The following CEP126 variants were observed in gnomAD, a reference collection of about 807,000 sequenced individuals.
The protein encoded by CEP126 is centrosomal protein of 126 kDa.
CEP126 carries 74 observed loss-of-function variants against 107.8 expected under a neutral mutation model. The ratio of observed to expected loss-of-function variants is 0.69; its 90% CI spans 0.57 to 0.83. CEP126 has a LOEUF of 0.83. CEP126 is among the 40% of genes least tolerant of loss of function. The pLI is 0.00. For missense variants in CEP126, 1,237 were observed against 1,281.9 expected, an observed-to-expected ratio of 0.96 and a Z score of 0.53; for synonymous variants, 449 against 446.0, an observed-to-expected ratio of 1.01 and a Z score of -0.08.
At chr11:101,918,955 CGTCTG>C (rs1940279085) in intron 1 of CEP126, among the ~76,000 whole-genome samples, 1 of 151,890 alleles carries the variant, frequency 6.6e-6, no homozygotes, top group Admixed American at 6.6e-5. Flanking sequence ...TATCTTAGTG[CGTCTG>C]GACATAGGAT....
Position 101,997,745 on chromosome 11 carries a change from C to T in CEP126, c.*102C>T, listed in dbSNP as rs1941460288. 7.3e-6 allele frequency: 11 copies of T among 1,511,580 alleles called. No individual in the cohort carries two copies. Among genetic ancestry groups the T allele is most frequent in the Non-Finnish European group, 9.1e-6 (10 of 1,102,718 alleles). 93.6% of individuals were successfully genotyped at this position (1,511,580 alleles called of 1,614,324 possible). On this transcript the variant is annotated 3_prime_UTR_variant, in exon 11 of 11. Coordinates refer to ENST00000263468, the MANE Select transcript of CEP126 (RefSeq NM_020802.4). ...CCATAGGAAAACATGTGAGCAACAACCCCCATGAACATTTGTCCTAACTCA... is the reference window on the plus strand; with the variant it reads ...CCATAGGAAAACATGTGAGCAACAATCCCCATGAACATTTGTCCTAACTCA...
intron 2 of CEP126, among the ~76,000 whole-genome samples, chr11:101,931,580 G>A (rs1940501427): frequency 6.6e-6 from 1 of 151,996 alleles, no homozygotes; most frequent in African/African-American, 2.4e-5. Context: ...CTTTCAAGAA[G>A]AACAATTTAT....
chr11:101,977,630 C>CAA (rs952859970), intron 6 of CEP126, among the ~76,000 whole-genome samples: 20 of 52,566 alleles, frequency 3.8e-4, no homozygotes, highest in Non-Finnish European at 5.1e-4. Context: ...GACTCTGTCT[C>CAA]AAAAAAAAAA....
rs1940329966 is a variant in CEP126 at position 101,921,747 on chromosome 11, A to G, written c.129-894A>G. The stretch of plus-strand genomic sequence containing the variant: ...AAAACTGTGTAATGAATGAAGATAT[A>G]CAGTCCTCTTTATCTGAAGTTCATG... On this transcript the variant is annotated intron_variant, in intron 1 of 10. Transcript: ENST00000263468. 3.1e-3 allele frequency among the ~76,000 whole-genome samples: 3 copies of G among 954 alleles called. No individual in the cohort carries two copies. The South Asian group carries it at 0.047, about 15-fold the overall frequency. The allele number at this position is 954 out of a possible 152,430, so 0.6% of individuals were successfully genotyped here.
intron 9 of CEP126, among the ~76,000 whole-genome samples, chr11:101,988,295 A>AC (rs1941337325): frequency 6.6e-6 from 1 of 152,222 alleles, no homozygotes; most frequent in African/African-American, 2.4e-5. Flanking sequence ...TGGTTTAACC[A>AC]CCAGATTACA....
chr11:101,930,412 G>T (rs1940478927), intron 2 of CEP126, among the ~76,000 whole-genome samples: 3 of 151,998 alleles, frequency 2.0e-5, no homozygotes, highest in Non-Finnish European at 4.4e-5. Flanking sequence ...GTATTGTTGT[G>T]TCCCTTCTGG....
At chr11:101,973,099 A>G (rs1042974947) in intron 6 of CEP126, among the ~76,000 whole-genome samples, 2 of 152,208 alleles carry the variant, frequency 1.3e-5, no homozygotes, top group African/African-American at 4.8e-5. Context: ...CCTTTTATGA[A>G]TAATTCTTCC....
chr11:101,922,612 C>T, intron 1 of CEP126, 29 bp from the exon 2 acceptor site: 1 of 1,561,262 alleles, frequency 6.4e-7, no homozygotes, highest in Non-Finnish European at 8.8e-7. Flanking sequence ...AGATGTAGAC[C>T]ATTGTTCTTA....
rs1237888064 is a variant in CEP126 at position 101,963,437 on chromosome 11, GTCC to G, written c.2411_2413del (p.Pro804del). 5 of 1,614,072 alleles carry G rather than the reference GTCC, an allele frequency of 3.1e-6. No homozygotes were observed. In the East Asian group the frequency reaches 8.9e-5, roughly 29 times the overall value. ...GCTCAGGGAAAATTAATTATACCTT[GTCC>G]TCCTCCTCAATCTACATCAAATATT... On this transcript the variant is annotated inframe_deletion, in exon 6 of 11. Coordinates refer to ENST00000263468, the MANE Select transcript of CEP126 (RefSeq NM_020802.4).
chr11:101,985,913 G>A (rs1368783595), intron 8 of CEP126, among the ~76,000 whole-genome samples: 1 of 151,156 alleles, frequency 6.6e-6, no homozygotes, highest in Non-Finnish European at 1.5e-5. Flanking sequence ...TAATTAATGG[G>A]TTGATTCCTT....
At chr11:101,967,930 A>G (rs1164394624) in intron 6 of CEP126, among the ~76,000 whole-genome samples, 1 of 152,198 alleles carries the variant, frequency 6.6e-6, no homozygotes, top group Non-Finnish European at 1.5e-5. Context: ...AACTCCAGAT[A>G]GCACCATTTA....
intron 1 of CEP126, 65 bp from the exon 2 acceptor site, chr11:101,922,576 A>G: frequency 1.6e-6 from 2 of 1,253,270 alleles, no homozygotes. Flanking sequence ...TATATTTATC[A>G]TATAGCACTG....
At chr11:101,956,312 C>G (rs771171422) in intron 4 of CEP126, 14 of 456,204 alleles carry the variant, frequency 3.1e-5, no homozygotes, top group South Asian at 1.9e-4. Context: ...TGTTTTGAAG[C>G]CTTCCTGTTT....
intron 2 of CEP126, among the ~76,000 whole-genome samples, chr11:101,943,434 C>T (rs1940693671): frequency 6.6e-6 from 1 of 151,882 alleles, no homozygotes; most frequent in Admixed American, 6.6e-5. Context: ...CAACCATCTC[C>T]TAACCCCATG....
intron 10 of CEP126, among the ~76,000 whole-genome samples, chr11:101,993,267 G>A (rs549919544): frequency 4.3e-4 from 66 of 152,228 alleles, no homozygotes; most frequent in East Asian, 3.9e-4. Context: ...GTGTTCATGT[G>A]TACTCAATGT....
chr11:101,962,270 G>A lies in CEP126; in HGVS notation c.1235G>A (p.Ser412Asn). 1.9e-6 allele frequency: 3 copies of A among 1,613,796 alleles called. No individual in the cohort carries two copies. In the South Asian group the frequency reaches 3.3e-5, roughly 18 times the overall value. ...FKRERPLVTE[S>N]PTFKFSKSQS... ...AGAGAGAGACCATTAGTTACTGAGA[G>A]CCCAACATTTAAATTTAGCAAATCC... Residue 412 changes from serine (S) to asparagine (N), a missense_variant, in exon 6 of 11, where the codon AGC becomes AAC. By Grantham distance (46) the Ser-to-Asn change is conservative. This residue lies in a region of CEP126 where 1,134 missense variants were observed against 1,150.5 expected (regional missense o/e 0.99). Transcript: ENST00000263468.
In CEP126 at chr11:101,963,149, G is replaced by C. The variant is rs1435339619; in HGVS notation, c.2114G>C (p.Gly705Ala). 1 of 1,614,042 alleles carries C rather than the reference G, an allele frequency of 6.2e-7. No individual in the cohort carries two copies. Among genetic ancestry groups the C allele is most frequent in the Admixed American group, 1.7e-5 (1 of 60,022 alleles). ...SENVTTLGGSGADHMPLNCFI... is the reference protein window; with the variant it reads ...SENVTTLGGSAADHMPLNCFI... ...AATGTTACGACTTTAGGAGGATCTG[G>C]AGCAGACCATATGCCTTTGAACTGT... Residue 705 changes from glycine to alanine, a missense_variant, in exon 6 of 11, where the codon GGA becomes GCA. Physicochemically the swap from Gly to Ala is moderately conservative, Grantham distance 60 (BLOSUM62 0). Around this residue, in one of 3 missense-constraint regions of CEP126, gnomAD observed 1,134 missense variants for 1,150.5 expected, o/e 0.99. Transcript: ENST00000263468.
rs772296116 is a variant in CEP126 at position 101,992,788 on chromosome 11, A to G, written c.3255A>G (p.Glu1085=). ...ATATAATTATTTCAGATATACAAGA[A>G]TCCATTTGCAAAAACCCATCCATCA... is the stretch of plus-strand genomic sequence containing the variant. ...DLSERLHYIQ[E]SICKNPSIKN... is the part of the protein sequence containing the mutation. Residue 1085 remains glutamate, a synonymous_variant, in exon 10 of 11, where the codon GAA becomes GAG. Coordinates refer to ENST00000263468, the MANE Select transcript of CEP126 (RefSeq NM_020802.4). 1.3e-5 allele frequency: 19 copies of G among 1,494,300 alleles called. No homozygotes were observed. In the African/African-American group the frequency reaches 2.4e-4, roughly 19 times the overall value. 92.6% of individuals were successfully genotyped at this position (1,494,300 alleles called of 1,614,324 possible).
At chr11:101,933,115 G>A (rs1437718494) in intron 2 of CEP126, among the ~76,000 whole-genome samples, 1 of 152,182 alleles carries the variant, frequency 6.6e-6, no homozygotes, top group Non-Finnish European at 1.5e-5. Context: ...GGGAAAGACA[G>A]ACAGTTAAAA....
Sources: allele counts gnomAD v4.1 joint callset (sites outside exome capture counted in the v4.1 genomes callset), GRCh38; gene constraint gnomAD v4.1.1; regional missense constraint gnomAD v4.1.1; transcripts MANE v1.5; gene names NCBI Gene and HGNC (gene_info 2026-07-23, HGNC 2026-07-21).